Variants in WNK1 observed in about 807,000 individuals in gnomAD.
WNK1 encodes serine/threonine-protein kinase WNK1.
WNK1 carries 38 observed loss-of-function variants against 222.8 expected under a neutral mutation model. That is an observed-to-expected ratio of 0.17 (90% CI 0.13 to 0.22). WNK1 has a LOEUF of 0.22. WNK1 is among the 10% of genes least tolerant of loss of function. The pLI, the probability that WNK1 is intolerant of heterozygous loss-of-function variation, is 1.00. For missense variants in WNK1, 2,348 were observed against 2,918.4 expected, an observed-to-expected ratio of 0.80 and a Z score of 4.50; for synonymous variants, 1,090 against 1,092.9, an observed-to-expected ratio of 1.00 and a Z score of 0.05.
At chr12:892,035 CT>C (rs34947524) in intron 22 of WNK1, among the ~76,000 whole-genome samples, 65,668 of 135,708 alleles carry the variant, frequency 0.48, 15,461 homozygotes, top group Middle Eastern at 0.65. Flanking sequence ...TTATAACTAA[CT>C]TTTTTTTTTT....
intron 3 of WNK1, among the ~76,000 whole-genome samples, chr12:828,278 C>T (rs1948523968): frequency 6.6e-6 from 1 of 151,892 alleles, no homozygotes; most frequent in Non-Finnish European, 1.5e-5. Context: ...TGCACTCTAG[C>T]CTGGGCAACA....
intron 2 of WNK1, among the ~76,000 whole-genome samples, chr12:820,454 T>A (rs1488681334): frequency 6.8e-6 from 1 of 146,190 alleles, no homozygotes; most frequent in South Asian, 2.2e-4. Context: ...GTGTGTGTGT[T>A]CATTCTTTGG....
chr12:893,823 A>AAATAAT (rs56048238), intron 22 of WNK1, among the ~76,000 whole-genome samples: 34,809 of 143,640 alleles, frequency 0.24, 4,330 homozygotes, highest in Middle Eastern at 0.31. Flanking sequence ...ACTCCATCTC[A>AAATAAT]AATAATAATA....
intron 4 of WNK1, among the ~76,000 whole-genome samples, chr12:837,138 G>A (rs541114871): frequency 6.6e-6 from 1 of 152,336 alleles, no homozygotes; most frequent in Admixed American, 6.5e-5. Context: ...CTCCAGGGAT[G>A]CCTCATGGTC....
chr12:759,465 G>T (rs1015387295), intron 1 of WNK1, among the ~76,000 whole-genome samples: 1 of 146,958 alleles, frequency 6.8e-6, no homozygotes, highest in Non-Finnish European at 1.5e-5. Flanking sequence ...TGAGTAGCTG[G>T]GATTACAGGC....
At chr12:837,446 C>G (rs532332169) in intron 4 of WNK1, among the ~76,000 whole-genome samples, 2 of 151,786 alleles carry the variant, frequency 1.3e-5, no homozygotes, top group East Asian at 3.9e-4. Context: ...CGGTGGCGGG[C>G]GCCTGTAATC....
intron 1 of WNK1, among the ~76,000 whole-genome samples, chr12:810,880 C>G (rs1008484142): frequency 6.6e-6 from 1 of 152,112 alleles, no homozygotes; most frequent in African/African-American, 2.4e-5. Flanking sequence ...GACCCCCACC[C>G]CACCCCCAGC....
chr12:767,237 T>G (rs1278035125), intron 1 of WNK1, among the ~76,000 whole-genome samples: 7 of 9,790 alleles, frequency 7.2e-4, no homozygotes, highest in African/African-American at 1.2e-3. Flanking sequence ...TTGATAGGTT[T>G]TTTTTTTTTT....
At position 869,386 on chromosome 12, in the gene WNK1, G is replaced by A. The variant is rs72649859; in HGVS notation, c.2140-1879G>A. On this transcript the variant is annotated intron_variant, in intron 8 of 27. Coordinates refer to ENST00000315939, the MANE Select transcript of WNK1 (RefSeq NM_018979.4). ...CTTCACAATCACGACTTCTATGCACGTTATTTTCAACCAGTAGTGAAAATG... is the reference window on the plus strand; with the variant it reads ...CTTCACAATCACGACTTCTATGCACATTATTTTCAACCAGTAGTGAAAATG... Among the ~76,000 whole-genome samples the A allele has an allele frequency of 3.9e-3, 591 of 152,234 alleles. 4 individuals carry two copies. Among genetic ancestry groups the A allele is most frequent in the South Asian group, 0.031 (150 of 4,828 alleles).
chr12:766,703 T>C (rs1941743622), intron 1 of WNK1, among the ~76,000 whole-genome samples: 1 of 152,106 alleles, frequency 6.6e-6, no homozygotes, highest in African/African-American at 2.4e-5. Context: ...GGTATTGAAC[T>C]CCTGACCTCA....
At chr12:894,686 C>T (rs764064502) in intron 23 of WNK1, 51 bp downstream of exon 23, 1 of 1,541,468 alleles carries the variant, frequency 6.5e-7, no homozygotes, top group Admixed American at 1.7e-5. Flanking sequence ...GAGGAGTTGT[C>T]TATATAATAA....
At chr12:893,778 G>A (rs981782364) in intron 22 of WNK1, among the ~76,000 whole-genome samples, 2 of 143,836 alleles carry the variant, frequency 1.4e-5, no homozygotes, top group East Asian at 2.0e-4. Flanking sequence ...AGCCAAGATC[G>A]CACCACTGCA....
At chr12:793,946 T>G (rs1340810645) in intron 1 of WNK1, among the ~76,000 whole-genome samples, 1 of 152,196 alleles carries the variant, frequency 6.6e-6, no homozygotes, top group East Asian at 1.9e-4. Flanking sequence ...GTTGTGTGGA[T>G]AACCACTAAC....
intron 2 of WNK1, among the ~76,000 whole-genome samples, chr12:826,455 TATTATAAAGAAGGAAACTCA>T (rs762806209): frequency 2.6e-5 from 4 of 152,176 alleles, no homozygotes; most frequent in Non-Finnish European, 5.9e-5. Flanking sequence ...GGTAAAAATG[TATTATAAAGAAGGAAACTCA>T]AGTAGTGCTT....
In WNK1 at chr12:844,258, A is replaced by G. The variant is rs185294246; in HGVS notation, c.1312-12903A>G. ...GTGATTCTCCCGCTTCAACCTCCCA[A>G]GTAACTGGGAGGGACAATAGGCATG... On this transcript the variant is annotated intron_variant, in intron 4 of 27. Coordinates refer to ENST00000315939, the MANE Select transcript of WNK1 (RefSeq NM_018979.4). Among the ~76,000 whole-genome samples the G allele has an allele frequency of 7.0e-3, 1,061 of 152,020 alleles. 9 individuals carry two copies. The highest frequency in any genetic ancestry group is 0.034 in the South Asian group (163 of 4,798).
intron 26 of WNK1, chr12:901,778 T>C (rs916144785): frequency 7.9e-6 from 3 of 381,522 alleles, no homozygotes; most frequent in Non-Finnish European, 1.4e-5. Context: ...GCTGAATTAC[T>C]GTTACCCTCA....
intron 4 of WNK1, among the ~76,000 whole-genome samples, chr12:847,087 T>G (rs1004635490): frequency 2.0e-5 from 3 of 152,178 alleles, no homozygotes; most frequent in African/African-American, 7.2e-5. Context: ...GTGATTTAAT[T>G]AAGATTAAAG....
chr12:843,733 A>G (rs1949800775), intron 4 of WNK1, among the ~76,000 whole-genome samples: 1 of 152,222 alleles, frequency 6.6e-6, no homozygotes, highest in Non-Finnish European at 1.5e-5. Flanking sequence ...CCAACCATGC[A>G]AAGTGCAGTC....
intron 1 of WNK1, among the ~76,000 whole-genome samples, chr12:807,789 G>A (rs916699653): frequency 7.3e-6 from 1 of 136,204 alleles, no homozygotes; most frequent in African/African-American, 2.8e-5. Context: ...GCGCAATCTC[G>A]GCTCACTGCA....
Sources: gnomAD v4.1 joint callset for allele counts (sites outside exome capture counted in the v4.1 genomes callset) on GRCh38, gnomAD v4.1.1 for gene constraint, MANE v1.5 for transcripts, NCBI Gene and HGNC (gene_info 2026-07-23, HGNC 2026-07-21) for gene names.